Variants in SCUBE1 observed in about 807,000 individuals in gnomAD.
The protein encoded by SCUBE1 is signal peptide, CUB domain and EGF like domain containing 1.
A neutral mutation model predicts 124.4 loss-of-function variants in SCUBE1; 59 were observed. The observed-to-expected ratio is 0.47, with a 90% CI of 0.38 to 0.59. SCUBE1 has a LOEUF of 0.59. Among genes scored for constraint, SCUBE1 ranks in the 20% least tolerant of loss-of-function variants. The pLI is 0.00. For synonymous variants in SCUBE1, 545 were observed against 550.9 expected (o/e 0.99, Z 0.15); for missense variants, 1,150 against 1,371.2 (o/e 0.84, Z 2.55).
intron 6 of SCUBE1, among the ~76,000 whole-genome samples, chr22:43,252,113 T>C (rs114536330): frequency 4.0e-4 from 61 of 152,348 alleles, no homozygotes; most frequent in African/African-American, 1.3e-3. Context: ...AAAGTAAACA[T>C]ACTTACTCCG....
chr22:43,287,931 C>T (rs554487458), intron 4 of SCUBE1, among the ~76,000 whole-genome samples: 1 of 152,336 alleles, frequency 6.6e-6, no homozygotes, highest in African/African-American at 2.4e-5. Context: ...CCTGTCTCCC[C>T]AATGGGCATT....
At chr22:43,207,399 G>C in intron 21 of SCUBE1, 135 bp downstream of exon 21, 1 of 697,878 alleles carries the variant, frequency 1.4e-6, no homozygotes, top group Non-Finnish European at 2.6e-6. Context: ...GGACCCCCAA[G>C]CCTCCTGCTC....
intron 1 of SCUBE1, 107 bp from the exon 2 acceptor site, chr22:43,339,342 G>GA: frequency 8.9e-7 from 1 of 1,118,900 alleles, no homozygotes; most frequent in Non-Finnish European, 1.3e-6. Context: ...CCATTGATCG[G>GA]TGGGCTCATT....
In SCUBE1 at chr22:43,258,144, G is replaced by T; in HGVS notation, c.727+75C>A. The T allele has an allele frequency of 9.9e-7, 1 of 1,008,382 alleles. No individual in the cohort carries two copies. Among genetic ancestry groups the T allele is most frequent in the East Asian group, 2.4e-5 (1 of 41,896 alleles). 62.5% of individuals were successfully genotyped at this position (1,008,382 alleles called of 1,614,324 possible). A position where few individuals can be genotyped will look rare whatever the true frequency, so the allele number is the denominator to read the frequency against. On this transcript the variant is annotated intron_variant, in intron 6 of 21. Transcript: ENST00000360835. This position sits in a 1 kb window ranked among gnomAD's most constrained non-coding sequence, Gnocchi z 5.0. ...GGGAACCCGGACGTGGCAGGGTGCTGGCCCTGCTGGTGCACGCATGGGGGG... is the reference window on the plus strand; with the variant it reads ...GGGAACCCGGACGTGGCAGGGTGCTTGCCCTGCTGGTGCACGCATGGGGGG...
At chr22:43,228,401 C>T (rs1043177125) in intron 9 of SCUBE1, among the ~76,000 whole-genome samples, 1 of 152,226 alleles carries the variant, frequency 6.6e-6, no homozygotes, top group Non-Finnish European at 1.5e-5. Context: ...TTCCACTCTC[C>T]TTTCCATGTG....
At chr22:43,277,027 C>T (rs1274630163) in intron 4 of SCUBE1, among the ~76,000 whole-genome samples, 3 of 152,034 alleles carry the variant, frequency 2.0e-5, no homozygotes, top group Non-Finnish European at 1.5e-5. Context: ...GAGAAAGGCC[C>T]GGGAGCAGAG....
At chr22:43,288,717 C>A (rs901681570) in intron 4 of SCUBE1, among the ~76,000 whole-genome samples, 2 of 152,264 alleles carry the variant, frequency 1.3e-5, no homozygotes, top group African/African-American at 4.8e-5. Context: ...AGCTAGCGTG[C>A]CTGGCTCAGA....
chr22:43,300,743 G>A (rs1038824131), intron 3 of SCUBE1, among the ~76,000 whole-genome samples: 2 of 152,014 alleles, frequency 1.3e-5, no homozygotes, highest in South Asian at 4.1e-4. Flanking sequence ...CAGGTCAGTG[G>A]GGCCTGGGCT....
At chr22:43,268,379 G>A (rs965042950) in intron 4 of SCUBE1, among the ~76,000 whole-genome samples, 1 of 152,270 alleles carries the variant, frequency 6.6e-6, no homozygotes, top group Admixed American at 6.5e-5. Context: ...AATGGGAAGT[G>A]AGATAGAATT....
rs188284864 is a variant in SCUBE1, at chr22:43,340,244, G to A, written c.89-1009C>T. Reference sequence around the variant, plus strand: ...CTGGGCTAACCTGAGCCCATCCATGGTTCTGACTCCCCACATGGTCCTCCC... The same window carrying A: ...CTGGGCTAACCTGAGCCCATCCATGATTCTGACTCCCCACATGGTCCTCCC... On this transcript the variant is annotated intron_variant, in intron 1 of 21. Coordinates refer to ENST00000360835, the MANE Select transcript of SCUBE1 (RefSeq NM_173050.5). Among the ~76,000 whole-genome samples the A allele has an allele frequency of 1.3e-4, 20 of 152,050 alleles. No individual in the cohort carries two copies. In the South Asian group the frequency reaches 3.1e-3, roughly 24 times the overall value.
At chr22:43,209,222 T>G (rs1921433061) in intron 19 of SCUBE1, among the ~76,000 whole-genome samples, 1 of 152,270 alleles carries the variant, frequency 6.6e-6, no homozygotes, top group African/African-American at 2.4e-5. Flanking sequence ...CCCCCTCATC[T>G]GGCCGGTCTC....
rs540354812 is a variant in SCUBE1, at chr22:43,258,691, G to T, written c.611-356C>A. On this transcript the variant is annotated intron_variant, in intron 5 of 21. Transcript: ENST00000360835. This position sits in a 1 kb window ranked among gnomAD's most constrained non-coding sequence, Gnocchi z 5.0. The stretch of plus-strand genomic sequence containing the variant: ...ATTTTATAGCTGCCTGTCTTGATGG[G>T]GCAAATGTTTGCCAATGCCAGGACA... Among the ~76,000 whole-genome samples the T allele has an allele frequency of 6.6e-6, 1 of 152,286 alleles. No individual in the cohort carries two copies. Among genetic ancestry groups the T allele is most frequent in the African/African-American group, 2.4e-5 (1 of 41,558 alleles).
intron 3 of SCUBE1, among the ~76,000 whole-genome samples, chr22:43,314,628 T>C (rs566577659): frequency 1.5e-4 from 23 of 152,242 alleles, no homozygotes; most frequent in Non-Finnish European, 2.9e-4. Context: ...AGACTACACT[T>C]AGGCCTGAGT....
rs1601788424 is a variant in SCUBE1 at position 43,203,348 on chromosome 22, C to A, written c.*649G>T. The stretch of plus-strand genomic sequence containing the variant: ...ACCAAAGGGCATTTTCCTAAAGTAC[C>A]CACAAATAGAAGTATATATATATAT... On this transcript the variant is annotated 3_prime_UTR_variant, in exon 22 of 22. Coordinates refer to ENST00000360835, the MANE Select transcript of SCUBE1 (RefSeq NM_173050.5). 1 of 147,580 alleles carries A rather than the reference C, an allele frequency of 6.8e-6. No homozygotes were observed. Among genetic ancestry groups the A allele is most frequent in the African/African-American group, 2.5e-5 (1 of 40,428 alleles). The allele number at this position is 147,580 out of a possible 1,614,324, so 9.1% of individuals were successfully genotyped here. A position where few individuals can be genotyped will look rare whatever the true frequency, so the allele number is the denominator to read the frequency against.
At chr22:43,212,739 A>G in intron 16 of SCUBE1, 147 bp from the exon 17 acceptor site, 1 of 742,918 alleles carries the variant, frequency 1.3e-6, no homozygotes. Flanking sequence ...GGGGTGGGGA[A>G]AACGCAGCAG....
intron 4 of SCUBE1, among the ~76,000 whole-genome samples, chr22:43,264,469 G>C (rs145202882): frequency 0.014 from 2,185 of 152,284 alleles, 54 homozygotes; most frequent in African/African-American, 0.05. Context: ...GGCTGGACCG[G>C]GTGGCCAGAG....
At chr22:43,208,633 C>G (rs372214970) in intron 19 of SCUBE1, among the ~76,000 whole-genome samples, 1 of 152,112 alleles carries the variant, frequency 6.6e-6, no homozygotes, top group Non-Finnish European at 1.5e-5. Flanking sequence ...TGGGGGAGGA[C>G]GTGGGAGATG....
At position 43,290,624 on chromosome 22, in the gene SCUBE1, A is replaced by C. The variant is rs114188394; in HGVS notation, c.484+422T>G. 4.3e-3 allele frequency among the ~76,000 whole-genome samples: 653 copies of C among 152,328 alleles called. 9 individuals are homozygous for C. Among genetic ancestry groups the C allele is most frequent in the African/African-American group, 0.015 (619 of 41,576 alleles). On this transcript the variant is annotated intron_variant, in intron 4 of 21. Transcript: ENST00000360835. The stretch of plus-strand genomic sequence containing the variant: ...CCCTCTCCTGGCGGGAAACCCAATG[A>C]ACATGCAGCAGGGAGTCGCTGGTGC...
chr22:43,220,306 G>T lies in SCUBE1; in HGVS notation c.1687+144C>A, dbSNP rs1922035398. On this transcript the variant is annotated intron_variant, in intron 14 of 21. Transcript: ENST00000360835. The stretch of plus-strand genomic sequence containing the variant: ...TCCCTTTGCTTGTGGGCCTGCCTCT[G>T]TCTCCAGAAGCTGGGCTCCCATCCC... The T allele has an allele frequency of 3.2e-6, 3 of 934,100 alleles. No homozygotes were observed. In the South Asian group the frequency reaches 4.9e-5, roughly 15 times the overall value. The allele number at this position is 934,100 out of a possible 1,614,324, so 57.9% of individuals were successfully genotyped here. A position where few individuals can be genotyped will look rare whatever the true frequency, so the allele number is the denominator to read the frequency against.
Sources: gnomAD v4.1 joint callset for allele counts (sites outside exome capture counted in the v4.1 genomes callset) on GRCh38, gnomAD v4.1.1 for gene constraint, Gnocchi (gnomAD v3.1) non-coding constraint, MANE v1.5 for transcripts, NCBI Gene and HGNC (gene_info 2026-07-23, HGNC 2026-07-21) for gene names.